SMARCE1: variants seen among roughly 807,000 people sequenced by gnomAD.
The protein encoded by SMARCE1 is SWI/SNF-related matrix-associated actin-dependent regulator of chromatin subfamily E member 1.
SMARCE1 carries 13 observed loss-of-function variants against 54.9 expected under a neutral mutation model. The observed-to-expected ratio is 0.24, with a 90% CI of 0.15 to 0.38. The LOEUF (loss-of-function observed/expected upper bound fraction) is 0.38. SMARCE1 is among the 10% of genes least tolerant of loss of function. SMARCE1 has a pLI of 1.00. For missense variants in SMARCE1, 295 were observed against 523.8 expected (o/e 0.56, Z 4.26); for synonymous variants, 151 against 175.3 (o/e 0.86, Z 1.10).
chr17:40,643,256 T>C (rs955989215), intron 3 of SMARCE1: 1 of 152,234 alleles, frequency 6.6e-6, no homozygotes, highest in African/African-American at 2.4e-5. Flanking sequence ...CAGTCATTCT[T>C]TTATAGGATT....
chr17:40,629,969 G>A (rs544478893), intron 10 of SMARCE1: 4 of 374,306 alleles, frequency 1.1e-5, no homozygotes, highest in East Asian at 3.9e-5. Context: ...TTTCCAGATG[G>A]TTGTCATCTG....
intron 10 of SMARCE1, 171 bp from the exon 11 acceptor site, chr17:40,629,164 G>T: frequency 3.5e-6 from 2 of 573,050 alleles, no homozygotes; most frequent in South Asian, 2.6e-5. Context: ...GGAACAATTT[G>T]GGTATGAAAA....
intron 8 of SMARCE1, 137 bp from the exon 9 acceptor site, chr17:40,631,830 G>A (rs2143987396): frequency 3.4e-6 from 2 of 589,980 alleles, no homozygotes; most frequent in Admixed American, 3.1e-5. Flanking sequence ...AATACAAAAT[G>A]CAGCACAAAG....
rs1597752528 is a variant in SMARCE1, at chr17:40,646,721, G to A, written c.-45-874C>T. Among the ~76,000 whole-genome samples, 3 of 152,198 alleles carry A rather than the reference G, an allele frequency of 2.0e-5. No individual in the cohort carries two copies. In the South Asian group the frequency reaches 6.2e-4, roughly 32 times the overall value. ...CATCACAAATAGTGAGGTACAAAAAGACAAAAATTCATCTTTGGAAAGAAG... is the reference window on the plus strand; with the variant it reads ...CATCACAAATAGTGAGGTACAAAAAAACAAAAATTCATCTTTGGAAAGAAG... On this transcript the variant is annotated intron_variant, in intron 1 of 10. Coordinates refer to ENST00000348513, the MANE Select transcript of SMARCE1 (RefSeq NM_003079.5).
chr17:40,629,964 A>G (rs916221847), intron 10 of SMARCE1: 1 of 370,194 alleles, frequency 2.7e-6, no homozygotes, highest in Non-Finnish European at 4.8e-6. Context: ...CATGTTTTCC[A>G]GATGGTTGTC....
intron 7 of SMARCE1, chr17:40,633,182 G>T (rs1597744393): frequency 6.6e-6 from 1 of 152,086 alleles, no homozygotes; most frequent in Non-Finnish European, 1.5e-5. Flanking sequence ...GCCAATTTTT[G>T]TATTTTTAGT....
In SMARCE1 at chr17:40,625,052, T is replaced by C. The variant is rs1445705028; in HGVS notation, c.*3733A>G. Reference sequence around the variant, plus strand: ...TAGGTCATTCTGGCAAATAGAAAGTTCCATCATTTCACACTTAGAAAGCTG... The same window carrying C: ...TAGGTCATTCTGGCAAATAGAAAGTCCCATCATTTCACACTTAGAAAGCTG... On this transcript the variant is annotated 3_prime_UTR_variant, in exon 11 of 11. Coordinates refer to ENST00000348513, the MANE Select transcript of SMARCE1 (RefSeq NM_003079.5). The C allele has an allele frequency of 1.3e-5, 2 of 152,216 alleles. No homozygotes were observed. The highest frequency in any genetic ancestry group is 6.5e-5 in the Admixed American group (1 of 15,274). 9.4% of individuals were successfully genotyped at this position (152,216 alleles called of 1,614,324 possible).
At position 40,630,860 on chromosome 17, in the gene SMARCE1, T is replaced by C; in HGVS notation, c.881A>G (p.Glu294Gly). 2 of 1,613,992 alleles carry C rather than the reference T, an allele frequency of 1.2e-6. No individual in the cohort carries two copies. Among genetic ancestry groups the C allele is most frequent in the Non-Finnish European group, 8.5e-7 (1 of 1,180,012 alleles). The stretch of plus-strand genomic sequence containing the variant: ...TTCCTCCTGCCTTTTGCGGGCCTGT[T>C]CCTCTGCCTGTGCAATCTCAGCTGC... ...KIAAEIAQAEEQARKRQEERE... is the reference protein window; with the variant it reads ...KIAAEIAQAEGQARKRQEERE... The change falls in exon 10 of 11, where the codon GAA (glutamate) becomes GGA (glycine). Residue 294 changes from glutamate (E) to glycine (G), a missense_variant. By Grantham distance (98) the Glu-to-Gly change is moderately conservative. Coordinates refer to ENST00000348513, the MANE Select transcript of SMARCE1 (RefSeq NM_003079.5).
Position 40,645,836 on chromosome 17 carries a change from G to T in SMARCE1, c.-34C>A. On this transcript the variant is annotated 5_prime_UTR_variant, in exon 2 of 11. Transcript: ENST00000348513. ...ATTAAGTTCTCAGTTCCTTAAGAAT[G>T]AATCTGAGACACTAAAATAAAAAAA... is the stretch of plus-strand genomic sequence containing the variant. The T allele has an allele frequency of 5.0e-6, 5 of 999,008 alleles. No individual in the cohort carries two copies. Among genetic ancestry groups the T allele is most frequent in the East Asian group, 3.1e-5 (1 of 32,422 alleles). The allele number at this position is 999,008 out of a possible 1,614,324, so 61.9% of individuals were successfully genotyped here.
rs1229971471 is a variant in SMARCE1, at chr17:40,626,621, C to G, written c.*2164G>C. On this transcript the variant is annotated 3_prime_UTR_variant, in exon 11 of 11. Transcript: ENST00000348513. Reference sequence around the variant, plus strand: ...GCACAGTGGCTCACGCCTGTAATCCCAGCACTTTGGGAGACTGAGGCAGGC... The same window carrying G: ...GCACAGTGGCTCACGCCTGTAATCCGAGCACTTTGGGAGACTGAGGCAGGC... The G allele has an allele frequency of 6.6e-6, 1 of 152,320 alleles. No homozygotes were observed. The highest frequency in any genetic ancestry group is 1.5e-5 in the Non-Finnish European group (1 of 68,164). 9.4% of individuals were successfully genotyped at this position (152,320 alleles called of 1,614,324 possible).
At chr17:40,641,822 TATACTA>T (rs2037202708) in intron 4 of SMARCE1, 1 of 152,390 alleles carries the variant, frequency 6.6e-6, no homozygotes, top group South Asian at 2.1e-4. Context: ...TCCTATCTCT[TATACTA>T]AGGATTAGAA....
chr17:40,646,650 C>T (rs2037260051), intron 1 of SMARCE1, among the ~76,000 whole-genome samples: 1 of 152,186 alleles, frequency 6.6e-6, no homozygotes, highest in Non-Finnish European at 1.5e-5. Flanking sequence ...ATTACCAGCT[C>T]ACAACATAAC....
chr17:40,630,245 T>C, intron 10 of SMARCE1: 1 of 1,542,030 alleles, frequency 6.5e-7, no homozygotes, highest in Non-Finnish European at 8.8e-7. Flanking sequence ...TCAGTATACC[T>C]AGAAGTAAGG....
At chr17:40,637,677 C>T in intron 4 of SMARCE1, 105 bp from the exon 5 acceptor site, 2 of 795,206 alleles carry the variant, frequency 2.5e-6, no homozygotes, top group Non-Finnish European at 2.1e-6. Context: ...TTCTATTCGT[C>T]CAAATATTTT....
At chr17:40,631,083 C>T (rs1361855693) in intron 9 of SMARCE1, 159 bp from the exon 10 acceptor site, 2 of 597,152 alleles carry the variant, frequency 3.3e-6, no homozygotes, top group African/African-American at 3.7e-5. Context: ...GGTTCTAGGT[C>T]TTCTCTGAAA....
intron 7 of SMARCE1, chr17:40,633,421 T>C (rs2037115639): frequency 6.6e-6 from 1 of 152,134 alleles, no homozygotes; most frequent in Non-Finnish European, 1.5e-5. Flanking sequence ...GTTTACTTAA[T>C]ATTTTTCTTT....
At chr17:40,637,042 A>G (rs1211376119) in intron 5 of SMARCE1, 1 of 159,948 alleles carries the variant, frequency 6.3e-6, no homozygotes, top group African/African-American at 2.4e-5. Context: ...AAAAAAAAAA[A>G]AAAAAAGGAA....
chr17:40,630,997 G>T, intron 9 of SMARCE1, 73 bp from the exon 10 acceptor site: 1 of 1,352,256 alleles, frequency 7.4e-7, no homozygotes, highest in Non-Finnish European at 1.0e-6. Flanking sequence ...TCTTTCAAAA[G>T]TTGGTTTTCT....
chr17:40,640,775 A>T (rs184693320), intron 4 of SMARCE1: 4 of 152,304 alleles, frequency 2.6e-5, no homozygotes, highest in South Asian at 2.1e-4. Flanking sequence ...CAAAACACCA[A>T]ATTTTCCATG....
Sources: gnomAD v4.1 joint callset for allele counts (sites outside exome capture counted in the v4.1 genomes callset) on GRCh38, gnomAD v4.1.1 for gene constraint, MANE v1.5 for transcripts, NCBI Gene and HGNC (gene_info 2026-07-23, HGNC 2026-07-21) for gene names.